The following DPP10 variants were observed in gnomAD, a reference collection of about 807,000 sequenced individuals.
DPP10 encodes the protein dipeptidyl peptidase like 10.
Under a neutral mutation model 120.9 loss-of-function variants are expected in DPP10, and 33 were observed. The observed-to-expected ratio is 0.27, with a 90% CI of 0.21 to 0.37. DPP10 has a LOEUF of 0.37. Ranked by LOEUF, DPP10 falls within the 10% of genes least tolerant of loss-of-function variation. The pLI is 1.00. For synonymous variants in DPP10, 337 were observed against 326.1 expected (o/e 1.03, Z -0.36); for missense variants, 816 against 942.8 (o/e 0.87, Z 1.76).
Position 115,265,236 on chromosome 2 carries a change from A to G in DPP10, c.61-44003A>G, listed in dbSNP as rs545777450. ...CAATATGTACACATCGATGTTCCCA[A>G]TGTCTTTATTTTGTCCTTTGGCTTT... On this transcript the variant is annotated intron_variant, in intron 1 of 25. Transcript: ENST00000410059. Among the ~76,000 whole-genome samples the G allele has an allele frequency of 7.4e-5, 11 of 149,558 alleles. No individual in the cohort carries two copies. In the East Asian group the frequency reaches 1.6e-3, roughly 21 times the overall value.
intron 1 of DPP10, among the ~76,000 whole-genome samples, chr2:114,510,569 C>T (rs1233272956): frequency 6.6e-6 from 1 of 152,118 alleles, no homozygotes; most frequent in African/African-American, 2.4e-5. Context: ...CGCCATTGCA[C>T]TCCAGCCTGG....
At chr2:114,966,733 T>C (rs898306945) in intron 1 of DPP10, among the ~76,000 whole-genome samples, 1 of 152,128 alleles carries the variant, frequency 6.6e-6, no homozygotes, top group East Asian at 1.9e-4. Flanking sequence ...AAAATCATGA[T>C]AAAGTTAGTT....
chr2:115,496,427 T>G (rs2076399157), intron 3 of DPP10, among the ~76,000 whole-genome samples: 1 of 152,130 alleles, frequency 6.6e-6, no homozygotes, highest in Admixed American at 6.6e-5. Context: ...GAAAATTGAC[T>G]TTAAATAAAC....
chr2:115,149,826 A>T (rs2051437142), intron 1 of DPP10, among the ~76,000 whole-genome samples: 1 of 152,190 alleles, frequency 6.6e-6, no homozygotes, highest in African/African-American at 2.4e-5. Context: ...ATACTAAAAA[A>T]TTATTCGTTG....
At chr2:114,816,363 A>G (rs773102913) in intron 1 of DPP10, among the ~76,000 whole-genome samples, 5 of 152,212 alleles carry the variant, frequency 3.3e-5, no homozygotes, top group Admixed American at 6.5e-5. Context: ...ACAAATGAGC[A>G]GGCCTCTGTT....
chr2:115,655,618 G>A (rs1279606149), intron 5 of DPP10, among the ~76,000 whole-genome samples: 1 of 151,124 alleles, frequency 6.6e-6, no homozygotes, highest in South Asian at 2.1e-4. Flanking sequence ...CAAATTATAC[G>A]CACCCTTGTC....
At chr2:115,690,543 C>T (rs1290883059) in intron 7 of DPP10, among the ~76,000 whole-genome samples, 1 of 152,024 alleles carries the variant, frequency 6.6e-6, no homozygotes, top group Non-Finnish European at 1.5e-5. Flanking sequence ...CTCCTGAGTA[C>T]TTGGGATTAC....
At chr2:115,215,092 G>C (rs2056739880) in intron 1 of DPP10, among the ~76,000 whole-genome samples, 1 of 152,132 alleles carries the variant, frequency 6.6e-6, no homozygotes, top group Non-Finnish European at 1.5e-5. Context: ...TTTGCGTTGT[G>C]ACATACCTAT....
intron 1 of DPP10, among the ~76,000 whole-genome samples, chr2:114,606,995 G>C (rs1295559841): frequency 6.6e-6 from 1 of 152,172 alleles, no homozygotes; most frequent in Non-Finnish European, 1.5e-5. Flanking sequence ...AAAAGCTCTG[G>C]AGTAGCACTG....
intron 1 of DPP10, among the ~76,000 whole-genome samples, chr2:114,730,909 T>C (rs1411304003): frequency 6.6e-6 from 1 of 152,074 alleles, no homozygotes; most frequent in Non-Finnish European, 1.5e-5. Context: ...TTTTTCTTTT[T>C]TTTTTTTTTA....
chr2:115,555,816 C>T (rs2008495), intron 5 of DPP10, among the ~76,000 whole-genome samples: 27,143 of 151,904 alleles, frequency 0.18, 3,257 homozygotes, highest in East Asian at 0.39. Flanking sequence ...GAGGAAATAC[C>T]AAAAATAATA....
At chr2:115,585,257 A>G (rs7565100) in intron 5 of DPP10, among the ~76,000 whole-genome samples, 93,030 of 152,012 alleles carry the variant, frequency 0.61, 29,441 homozygotes, top group Middle Eastern at 0.76. Context: ...TATTAACTGA[A>G]ATTCCAAAGG....
chr2:115,536,368 TGTG>T (rs1271333867), intron 5 of DPP10, among the ~76,000 whole-genome samples: 1 of 151,984 alleles, frequency 6.6e-6, no homozygotes, highest in Non-Finnish European at 1.5e-5. Flanking sequence ...CATCTTTTCA[TGTG>T]GTGATATCAT....
chr2:115,455,829 A>G (rs1236027566), intron 3 of DPP10, among the ~76,000 whole-genome samples: 4 of 152,336 alleles, frequency 2.6e-5, no homozygotes, highest in Admixed American at 2.6e-4. Flanking sequence ...AGATGGATTA[A>G]AGACTTAAAC....
intron 7 of DPP10, among the ~76,000 whole-genome samples, chr2:115,707,239 A>G (rs1291573908): frequency 6.6e-6 from 1 of 151,966 alleles, no homozygotes; most frequent in Non-Finnish European, 1.5e-5. Flanking sequence ...GATTAACACT[A>G]TCAACCAAAT....
At chr2:115,196,903 A>G (rs2055319588) in intron 1 of DPP10, among the ~76,000 whole-genome samples, 1 of 152,240 alleles carries the variant, frequency 6.6e-6, no homozygotes, top group Non-Finnish European at 1.5e-5. Flanking sequence ...GCCATATACT[A>G]GAATAAAATA....
intron 9 of DPP10, among the ~76,000 whole-genome samples, chr2:115,744,693 C>T (rs62155343): frequency 0.085 from 12,707 of 150,282 alleles, 1,090 homozygotes; most frequent in Non-Finnish European, 0.12. Flanking sequence ...TCCAACAAAA[C>T]ATTTATTGAG....
At chr2:115,305,329 C>A (rs1349726794) in intron 1 of DPP10, among the ~76,000 whole-genome samples, 1 of 152,046 alleles carries the variant, frequency 6.6e-6, no homozygotes, top group African/African-American at 2.4e-5. Flanking sequence ...AGAAAGCCAT[C>A]AAAAACAAAG....
At chr2:115,072,028 A>G (rs1219681642) in intron 1 of DPP10, among the ~76,000 whole-genome samples, 1 of 152,210 alleles carries the variant, frequency 6.6e-6, no homozygotes, top group Non-Finnish European at 1.5e-5. Context: ...TAATGATAGC[A>G]GATCTGGAAA....
Sources: allele counts gnomAD v4.1 joint callset (sites outside exome capture counted in the v4.1 genomes callset), GRCh38; gene constraint gnomAD v4.1.1; transcripts MANE v1.5; gene names NCBI Gene and HGNC (gene_info 2026-07-23, HGNC 2026-07-21).